Variants in NREP observed in about 807,000 individuals in gnomAD.
NREP encodes the protein neuronal regeneration related protein, also known as neuronal regeneration-related protein.
Under a neutral mutation model 8.6 loss-of-function variants are expected in NREP, and 5 were observed. That is an observed-to-expected ratio of 0.58 (90% CI 0.30 to 1.22). The LOEUF (loss-of-function observed/expected upper bound fraction) is 1.22, where lower values mean the gene tolerates loss of function less well. NREP is among the 50% of genes most tolerant of loss of function. NREP has a pLI of 0.07. For missense variants in NREP, 86 were observed against 82.5 expected (o/e 1.04, Z -0.17); for synonymous variants, 27 against 28.0 (o/e 0.96, Z 0.11).
chr5:111,794,308 G>A (rs577419452), intron 2 of NREP, among the ~76,000 whole-genome samples: 12 of 152,246 alleles, frequency 7.9e-5, no homozygotes, highest in African/African-American at 1.4e-4. Flanking sequence ...TCCAGCAAAT[G>A]GGCTTCTTGG....
At chr5:111,828,597 C>T (rs558091994) in intron 2 of NREP, among the ~76,000 whole-genome samples, 3 of 152,096 alleles carry the variant, frequency 2.0e-5, no homozygotes, top group African/African-American at 7.2e-5. Flanking sequence ...TTAATTACAG[C>T]AATTACCGTT....
upstream of NREP, chr5:111,757,625 A>ACCCCGCACCCGCGCCCCGGGCG (rs1284456675): frequency 1.0e-6 from 1 of 982,606 alleles, no homozygotes; most frequent in Non-Finnish European, 1.2e-6. Flanking sequence ...GCGCCCCGAC[A>ACCCCGCACCCGCGCCCCGGGCG]CCCCGCACCC....
intron 2 of NREP, among the ~76,000 whole-genome samples, chr5:111,806,647 C>A (rs1349438775): frequency 1.3e-5 from 2 of 152,162 alleles, no homozygotes; most frequent in Non-Finnish European, 2.9e-5. Context: ...AGATATTAAG[C>A]ATCGAATTCA....
At chr5:111,880,314 T>C (rs1161563562) in intron 2 of NREP, among the ~76,000 whole-genome samples, 2 of 152,226 alleles carry the variant, frequency 1.3e-5, no homozygotes, top group East Asian at 3.8e-4. Context: ...ATAAGTATAT[T>C]CATTTTCCAG....
chr5:111,890,101 C>A (rs1046826738), intron 2 of NREP, among the ~76,000 whole-genome samples: 1 of 152,084 alleles, frequency 6.6e-6, no homozygotes, highest in Non-Finnish European at 1.5e-5. Flanking sequence ...GCTCAGAGAC[C>A]CGACAGGTAC....
intron 2 of NREP, among the ~76,000 whole-genome samples, chr5:111,848,433 G>T (rs1379021969): frequency 6.6e-6 from 1 of 151,922 alleles, no homozygotes; most frequent in East Asian, 1.9e-4. Context: ...TACATGGAGA[G>T]TTTTTTTCTC....
chr5:111,942,682 T>G (rs1039216034), intron 2 of NREP, among the ~76,000 whole-genome samples: 1 of 152,046 alleles, frequency 6.6e-6, no homozygotes, highest in Non-Finnish European at 1.5e-5. Context: ...AAAAAACCCT[T>G]GAAAATAGAG....
At chr5:111,919,641 A>C (rs970720835) in intron 2 of NREP, among the ~76,000 whole-genome samples, 1 of 152,096 alleles carries the variant, frequency 6.6e-6, no homozygotes, top group African/African-American at 2.4e-5. Context: ...CAAACACCAC[A>C]TGTTCTCACT....
chr5:111,876,189 T>C (rs1029868525), intron 2 of NREP, among the ~76,000 whole-genome samples: 3 of 152,170 alleles, frequency 2.0e-5, no homozygotes, highest in Non-Finnish European at 4.4e-5. Flanking sequence ...CATTCCCACA[T>C]CCCCATGCAT....
intron 2 of NREP, among the ~76,000 whole-genome samples, chr5:111,824,772 T>C (rs1752584571): frequency 6.6e-6 from 1 of 152,228 alleles, no homozygotes; most frequent in African/African-American, 2.4e-5. Flanking sequence ...GTATCTATTA[T>C]TTATAATCTT....
At chr5:111,960,205 A>G (rs1034661217) in intron 2 of NREP, among the ~76,000 whole-genome samples, 2 of 152,196 alleles carry the variant, frequency 1.3e-5, no homozygotes, top group Non-Finnish European at 2.9e-5. Context: ...ATTAAAAATC[A>G]GAGAATCTGT....
At chr5:111,830,815 A>T (rs1366156796) in intron 2 of NREP, among the ~76,000 whole-genome samples, 1 of 152,198 alleles carries the variant, frequency 6.6e-6, no homozygotes, top group Non-Finnish European at 1.5e-5. Context: ...GATTCTACTG[A>T]TAAGAGTTAT....
intron 2 of NREP, among the ~76,000 whole-genome samples, chr5:111,927,100 C>T (rs1383068273): frequency 6.6e-6 from 1 of 151,924 alleles, no homozygotes; most frequent in East Asian, 2.0e-4. Context: ...TGAATTGGGC[C>T]CTATATTCTG....
chr5:111,879,259 A>G (rs1390161445), intron 2 of NREP, among the ~76,000 whole-genome samples: 1 of 152,166 alleles, frequency 6.6e-6, no homozygotes, highest in Non-Finnish European at 1.5e-5. Context: ...AGCCAAACAC[A>G]TCTAGTTTTT....
intron 2 of NREP, among the ~76,000 whole-genome samples, chr5:111,800,085 C>CTTTTTT (rs750853784): frequency 1.4e-5 from 2 of 141,162 alleles, no homozygotes. Context: ...ACGCCAACTA[C>CTTTTTT]TTTTTTTTTT....
At position 111,730,849 on chromosome 5, in the gene NREP, A is replaced by C; in HGVS notation, c.*72T>G. On this transcript the variant is annotated 3_prime_UTR_variant, in exon 4 of 4. Transcript: ENST00000257435. ...TATACTTGATGATTTACACAGAAAA[A>C]AATCCCATATATGATACCATGACCT... 1.3e-6 allele frequency: 2 copies of C among 1,526,120 alleles called. No individual in the cohort carries two copies. The highest frequency in any genetic ancestry group is 1.8e-6 in the Non-Finnish European group (2 of 1,120,180). 94.5% of individuals were successfully genotyped at this position (1,526,120 alleles called of 1,614,324 possible). A position where few individuals can be genotyped will look rare whatever the true frequency, so the allele number is the denominator to read the frequency against.
At chr5:111,976,178 T>G (rs892490112) in intron 1 of NREP, among the ~76,000 whole-genome samples, 3 of 152,190 alleles carry the variant, frequency 2.0e-5, no homozygotes, top group Non-Finnish European at 2.9e-5. Context: ...TCAGAAAAGA[T>G]TATACAATAG....
intron 2 of NREP, among the ~76,000 whole-genome samples, chr5:111,779,115 T>C (rs185471104): frequency 2.1e-3 from 313 of 152,278 alleles, no homozygotes; most frequent in South Asian, 4.4e-3. Flanking sequence ...GAAATTAAAA[T>C]ACATTCCTAT....
intron 2 of NREP, among the ~76,000 whole-genome samples, chr5:111,867,275 A>C (rs1753689768): frequency 6.6e-6 from 1 of 152,154 alleles, no homozygotes; most frequent in South Asian, 2.1e-4. Context: ...AAAGACTGGA[A>C]GTCTGAGATC....
Sources: allele counts gnomAD v4.1 joint callset (sites outside exome capture counted in the v4.1 genomes callset), GRCh38; gene constraint gnomAD v4.1.1; transcripts MANE v1.5; gene names NCBI Gene and HGNC (gene_info 2026-07-23, HGNC 2026-07-21).